USP15: variants seen among roughly 807,000 people sequenced by gnomAD.
USP15 encodes the protein ubiquitin carboxyl-terminal hydrolase 15.
Under a neutral mutation model 127.1 loss-of-function variants are expected in USP15, and 18 were observed. The ratio of observed to expected loss-of-function variants is 0.14; its 90% CI spans 0.10 to 0.21. The LOEUF (loss-of-function observed/expected upper bound fraction) is 0.21. Among genes scored for constraint, USP15 ranks in the 10% least tolerant of loss-of-function variants. The pLI, the probability that USP15 is intolerant of heterozygous loss-of-function variation, is 1.00. For synonymous variants in USP15, 364 were observed against 393.7 expected, an observed-to-expected ratio of 0.92 and a Z score of 0.89; for missense variants, 805 against 1,159.9, an observed-to-expected ratio of 0.69 and a Z score of 4.44.
intron 11 of USP15, among the ~76,000 whole-genome samples, chr12:62,389,062 C>G (rs1487408874): frequency 2.9e-5 from 4 of 136,804 alleles, no homozygotes; most frequent in Admixed American, 7.5e-5. Context: ...GAGGTTGAGG[C>G]TGCGGTGAGC....
At chr12:62,353,910 A>G (rs1476584242) in intron 7 of USP15, among the ~76,000 whole-genome samples, 1 of 152,092 alleles carries the variant, frequency 6.6e-6, no homozygotes, top group Non-Finnish European at 1.5e-5. Context: ...CTATAAGTCT[A>G]GCAATTCCGA....
intron 8 of USP15, among the ~76,000 whole-genome samples, chr12:62,356,600 G>C (rs2066138918): frequency 6.6e-6 from 1 of 151,992 alleles, no homozygotes. Flanking sequence ...CACTTGGGAA[G>C]TGGCCTATCT....
intron 8 of USP15, among the ~76,000 whole-genome samples, chr12:62,363,539 G>A (rs183298953): frequency 8.5e-5 from 13 of 152,190 alleles, no homozygotes; most frequent in Admixed American, 7.9e-4. Context: ...TCAGTGAGGT[G>A]CTTCTTCAGT....
At chr12:62,400,616 A>T (rs1233717551) in intron 20 of USP15, among the ~76,000 whole-genome samples, 1 of 151,004 alleles carries the variant, frequency 6.6e-6, no homozygotes, top group Non-Finnish European at 1.5e-5. Context: ...CTGGTGTTAA[A>T]AAAAAAAAAA....
chr12:62,372,430 C>T (rs1245474830), intron 8 of USP15, among the ~76,000 whole-genome samples: 2 of 152,050 alleles, frequency 1.3e-5, no homozygotes, highest in Admixed American at 1.3e-4. Flanking sequence ...TATTTGTATA[C>T]TTACAGAGAC....
intron 19 of USP15, among the ~76,000 whole-genome samples, chr12:62,396,072 T>C (rs547618113): frequency 8.5e-5 from 13 of 152,134 alleles, no homozygotes; most frequent in African/African-American, 3.1e-4. Flanking sequence ...TAAACAAATG[T>C]TTGCCAAAAC....
chr12:62,379,219 A>T (rs945725809), intron 8 of USP15, among the ~76,000 whole-genome samples: 2 of 140,982 alleles, frequency 1.4e-5, no homozygotes, highest in Admixed American at 7.1e-5. Flanking sequence ...AAAAAAAAGT[A>T]CATTTCCAAG....
intron 8 of USP15, among the ~76,000 whole-genome samples, chr12:62,380,664 T>TA (rs1394462948): frequency 2.0e-5 from 3 of 152,046 alleles, no homozygotes; most frequent in Non-Finnish European, 4.4e-5. Flanking sequence ...ATGTCTGTGT[T>TA]AGTCGTTGCA....
chr12:62,343,690 C>G (rs1387077272), intron 6 of USP15, among the ~76,000 whole-genome samples: 1 of 152,146 alleles, frequency 6.6e-6, no homozygotes, highest in Non-Finnish European at 1.5e-5. Context: ...TGAAGCAGTG[C>G]CCCACCCTGC....
chr12:62,383,900 C>T lies in USP15; in HGVS notation c.1150C>T (p.Leu384=), dbSNP rs781039923. ...SGYQQQDCQE[L]LAFLLDGLHE... ...ATATCAGCAGCAAGACTGTCAAGAACTGTTAGCTTTCCTATTAGATGGATT... is the reference window on the plus strand; with the variant it reads ...ATATCAGCAGCAAGACTGTCAAGAATTGTTAGCTTTCCTATTAGATGGATT... Residue 384 remains leucine, a synonymous_variant, in exon 10 of 22, where the codon CTG becomes TTG. Transcript: ENST00000280377. 1 of 1,612,956 alleles carries T rather than the reference C, an allele frequency of 6.2e-7. No homozygotes were observed. Among genetic ancestry groups the T allele is most frequent in the South Asian group, 1.1e-5 (1 of 91,036 alleles).
intron 2 of USP15, among the ~76,000 whole-genome samples, chr12:62,295,144 C>T (rs530979443): frequency 3.9e-5 from 6 of 152,054 alleles, no homozygotes; most frequent in African/African-American, 1.2e-4. Flanking sequence ...GACCCCCCCC[C>T]ATAGGGTTGC....
At chr12:62,279,450 A>T (rs1328300189) in intron 1 of USP15, among the ~76,000 whole-genome samples, 2 of 152,180 alleles carry the variant, frequency 1.3e-5, no homozygotes, top group Non-Finnish European at 2.9e-5. Context: ...GATAGTACAT[A>T]TATCTTCAGG....
chr12:62,317,040 A>G (rs1181904582), intron 4 of USP15, among the ~76,000 whole-genome samples: 1 of 152,134 alleles, frequency 6.6e-6, no homozygotes, highest in Non-Finnish European at 1.5e-5. Flanking sequence ...TTGGTGGTTC[A>G]TTAAACAGTT....
In USP15 at chr12:62,333,464, T is replaced by C. The variant is rs555498031; in HGVS notation, c.683+7531T>C. Among the ~76,000 whole-genome samples, 8 of 152,112 alleles carry C rather than the reference T, an allele frequency of 5.3e-5. No individual in the cohort carries two copies. In the South Asian group the frequency reaches 1.7e-3, roughly 32 times the overall value. ...GTTTTTTTGTTCTTTTGTTTGTTTG[T>C]TTTGTTTTGTTTTTATAAAGATGGG... On this transcript the variant is annotated intron_variant, in intron 6 of 21. Coordinates refer to ENST00000280377, the MANE Select transcript of USP15 (RefSeq NM_001252078.2).
intron 19 of USP15, among the ~76,000 whole-genome samples, chr12:62,394,529 T>C (rs2067423134): frequency 6.6e-6 from 1 of 152,182 alleles, no homozygotes; most frequent in African/African-American, 2.4e-5. Context: ...TTTTCAAGAA[T>C]ATAGCATTTG....
chr12:62,326,004 A>G (rs2065111648), intron 6 of USP15, 71 bp downstream of exon 6: 1 of 1,337,168 alleles, frequency 7.5e-7, no homozygotes, highest in Non-Finnish European at 1.0e-6. Flanking sequence ...TCAAATCCAC[A>G]ATGATAGAAG....
intron 1 of USP15, among the ~76,000 whole-genome samples, chr12:62,293,268 T>C (rs1335061355): frequency 6.6e-6 from 1 of 152,176 alleles, no homozygotes; most frequent in Non-Finnish European, 1.5e-5. Context: ...CTCACTTCCT[T>C]CTTTTTCTAT....
In USP15 at chr12:62,384,427, AAT is replaced by A. The variant is rs888224343; in HGVS notation, c.1473+126_1473+127del. 4 of 771,450 alleles carry A rather than the reference AAT, an allele frequency of 5.2e-6. No homozygotes were observed. The East Asian group carries it at 1.1e-4, about 21-fold the overall frequency. 47.8% of individuals were successfully genotyped at this position (771,450 alleles called of 1,614,324 possible). A position where few individuals can be genotyped will look rare whatever the true frequency, so the allele number is the denominator to read the frequency against. On this transcript the variant is annotated intron_variant, in intron 11 of 21. Transcript: ENST00000280377. The stretch of plus-strand genomic sequence containing the variant: ...TATTGAATTATCAAGCCCAATCAAT[AAT>A]GTTTATTTGTATAAGAGATTTTATA...
At chr12:62,330,562 G>A (rs2065259538) in intron 6 of USP15, among the ~76,000 whole-genome samples, 1 of 149,836 alleles carries the variant, frequency 6.7e-6, no homozygotes, top group Middle Eastern at 3.4e-3. Flanking sequence ...CCCCAGCCTG[G>A]GTGATAGAGT....
Sources: allele counts gnomAD v4.1 joint callset (sites outside exome capture counted in the v4.1 genomes callset), GRCh38; gene constraint gnomAD v4.1.1; transcripts MANE v1.5; gene names NCBI Gene and HGNC (gene_info 2026-07-23, HGNC 2026-07-21).